The following WWC1 variants were observed in gnomAD, a reference collection of about 807,000 sequenced individuals.
WWC1 encodes WW and C2 domain containing 1, also known as protein KIBRA.
A neutral mutation model predicts 138.4 loss-of-function variants in WWC1; 55 were observed. That is an observed-to-expected ratio of 0.40 (90% CI 0.32 to 0.50). The LOEUF is 0.50. Ranked by LOEUF, WWC1 falls within the 20% of genes least tolerant of loss-of-function variation. The probability of loss-of-function intolerance (pLI) is 0.72; values close to 1 mark genes in which losing one functional copy is unlikely to be tolerated. For synonymous variants in WWC1, 524 were observed against 564.9 expected (o/e 0.93, Z 1.03); for missense variants, 1,226 against 1,420.4 (o/e 0.86, Z 2.20).
At position 168,428,517 on chromosome 5, in the gene WWC1, C is replaced by T. The variant is rs558384161; in HGVS notation, c.1920-190C>T. The stretch of plus-strand genomic sequence containing the variant: ...GGAGGATCACTTGATACAAGGAGTT[C>T]GAGACCAGCCTGGGCAACATAGTGA... On this transcript the variant is annotated intron_variant, in intron 12 of 22. Coordinates refer to ENST00000265293, the MANE Select transcript of WWC1 (RefSeq NM_015238.3). Among the ~76,000 whole-genome samples, 586 of 152,060 alleles carry T rather than the reference C, an allele frequency of 3.9e-3. 3 individuals are homozygous for T. Among genetic ancestry groups the T allele is most frequent in the Non-Finnish European group, 6.2e-3 (419 of 67,984 alleles).
At chr5:168,364,568 G>T (rs1168266635) in intron 1 of WWC1, among the ~76,000 whole-genome samples, 3 of 152,218 alleles carry the variant, frequency 2.0e-5, no homozygotes, top group Admixed American at 6.5e-5. Context: ...CAGAAACATG[G>T]CTTCTTCAAG....
chr5:168,450,066 G>T (rs1299351465), intron 17 of WWC1, among the ~76,000 whole-genome samples: 1 of 152,208 alleles, frequency 6.6e-6, no homozygotes, highest in East Asian at 1.9e-4. Context: ...CTCTCGCCGA[G>T]CTAGCTAGCT....
chr5:168,323,860 A>C (rs1267050924), intron 1 of WWC1, among the ~76,000 whole-genome samples: 1 of 152,168 alleles, frequency 6.6e-6, no homozygotes, highest in Non-Finnish European at 1.5e-5. Context: ...AAGATGAGAA[A>C]AATCTTAAAA....
intron 2 of WWC1, among the ~76,000 whole-genome samples, chr5:168,372,053 T>TTGTG (rs10595228): frequency 0.022 from 3,170 of 141,330 alleles, 54 homozygotes; most frequent in Middle Eastern, 0.032. Flanking sequence ...AAGAGTGTGT[T>TTGTG]TGTGTGTGTG....
chr5:168,367,841 A>G (rs1343439412), intron 1 of WWC1, among the ~76,000 whole-genome samples: 2 of 152,320 alleles, frequency 1.3e-5, no homozygotes, highest in Middle Eastern at 3.4e-3. Context: ...TGATTAATAT[A>G]TGAACACAAC....
intron 9 of WWC1, among the ~76,000 whole-genome samples, chr5:168,420,709 G>A (rs1582234818): frequency 1.3e-5 from 2 of 152,108 alleles, no homozygotes; most frequent in South Asian, 4.2e-4. Flanking sequence ...CCACTTGGCT[G>A]CCCGTAGCAG....
At chr5:168,365,167 A>T (rs1776188159) in intron 1 of WWC1, among the ~76,000 whole-genome samples, 1 of 152,182 alleles carries the variant, frequency 6.6e-6, no homozygotes. Flanking sequence ...GTGAAGGAGC[A>T]TTATCAGGAA....
intron 1 of WWC1, among the ~76,000 whole-genome samples, chr5:168,357,446 T>TTC (rs1775517656): frequency 9.5e-6 from 1 of 105,246 alleles, no homozygotes. Context: ...GCAACCTGCC[T>TTC]TCTGTGTGTG....
At chr5:168,402,171 C>T (rs1388121641) in intron 5 of WWC1, among the ~76,000 whole-genome samples, 1 of 152,200 alleles carries the variant, frequency 6.6e-6, no homozygotes, top group Non-Finnish European at 1.5e-5. Flanking sequence ...TCCCTCTGCC[C>T]CATGTTTGAT....
chr5:168,444,366 G>T (rs1172503521), intron 16 of WWC1, 128 bp from the exon 17 acceptor site: 1 of 922,824 alleles, frequency 1.1e-6, no homozygotes, highest in South Asian at 2.0e-5. Context: ...CAAGACACTT[G>T]ACCACTCTGG....
chr5:168,437,589 C>T (rs946370832), intron 15 of WWC1, among the ~76,000 whole-genome samples: 2 of 152,140 alleles, frequency 1.3e-5, no homozygotes, highest in African/African-American at 4.8e-5. Flanking sequence ...ATCTCCAGCA[C>T]CCAGAACAGT....
chr5:168,415,813 GGC>G (rs1780586122), intron 9 of WWC1: 3 of 10,746 alleles, frequency 2.8e-4, no homozygotes, highest in Non-Finnish European at 6.4e-4. Context: ...GGGGGGGGGG[GGC>G]GTGTGTGTGT....
Position 168,464,958 on chromosome 5 carries a change from A to G in WWC1, c.3146A>G (p.Lys1049Arg). 6.2e-7 allele frequency: 1 copy of G among 1,613,760 alleles called. No individual in the cohort carries two copies. Among genetic ancestry groups the G allele is most frequent in the Admixed American group, 1.7e-5 (1 of 60,022 alleles). Residue 1049 changes from lysine (K) to arginine (R), a missense_variant, in exon 21 of 23, where the codon AAG becomes AGG. By Grantham distance (26) the Lys-to-Arg change is conservative (BLOSUM62 2). Transcript: ENST00000265293. ...RFRLLLRMLE[K>R]RQMDRAEHKG... is the part of the protein sequence containing the mutation. ...CGCCTGCTGCTGAGGATGCTGGAGA[A>G]GCGGGTGAGTTCTGCCTCGAAGGCA...
At position 168,292,357 on chromosome 5, in the gene WWC1, G is replaced by T; in HGVS notation, c.119+86G>T. On this transcript the variant is annotated intron_variant, in intron 1 of 22. Transcript: ENST00000265293. This position sits in a 1 kb window ranked among gnomAD's most constrained non-coding sequence, Gnocchi z 4.4. ...TGGAGCCGCCGGCCGGGACTGGGAGGGGGCAGGGGAGCTCTGCGTGCCTCT... is the reference window on the plus strand; with the variant it reads ...TGGAGCCGCCGGCCGGGACTGGGAGTGGGCAGGGGAGCTCTGCGTGCCTCT... 1 of 1,477,022 alleles carries T rather than the reference G, an allele frequency of 6.8e-7. No individual in the cohort carries two copies. The highest frequency in any genetic ancestry group is 2.2e-5 in the Admixed American group (1 of 45,430). 91.5% of individuals were successfully genotyped at this position (1,477,022 alleles called of 1,614,324 possible).
rs529226180 is a variant in WWC1 at position 168,322,329 on chromosome 5, T to C, written c.119+30058T>C. Reference sequence around the variant, plus strand: ...TATCCTAGAGAAGGGTTGGAAACCCTTCTGGGACTAGGCAGGCTTTGTGGA... The same window carrying C: ...TATCCTAGAGAAGGGTTGGAAACCCCTCTGGGACTAGGCAGGCTTTGTGGA... On this transcript the variant is annotated intron_variant, in intron 1 of 22. Coordinates refer to ENST00000265293, the MANE Select transcript of WWC1 (RefSeq NM_015238.3). 3.2e-4 allele frequency among the ~76,000 whole-genome samples: 49 copies of C among 151,918 alleles called. 2 individuals carry two copies. The South Asian group carries it at 9.8e-3, about 30-fold the overall frequency.
chr5:168,416,392 A>T (rs1780655695), intron 9 of WWC1: 1 of 152,226 alleles, frequency 6.6e-6, no homozygotes, highest in Non-Finnish European at 1.5e-5. Flanking sequence ...CTTCTTTAGC[A>T]CCACGACTCC....
chr5:168,415,813 G>GCGT (rs36069575), intron 9 of WWC1: 3 of 10,774 alleles, frequency 2.8e-4, no homozygotes, highest in Non-Finnish European at 9.6e-4. Context: ...GGGGGGGGGG[G>GCGT]GCGTGTGTGT....
intron 1 of WWC1, among the ~76,000 whole-genome samples, chr5:168,316,066 C>A (rs1042762465): frequency 8.5e-5 from 13 of 152,332 alleles, no homozygotes; most frequent in Admixed American, 2.0e-4. Flanking sequence ...GGCCTCCCCC[C>A]TCTTTTCAGG....
In WWC1 at chr5:168,471,264, C is replaced by G. The variant is rs757217516; in HGVS notation, c.*2247C>G. 1 of 152,638 alleles carries G rather than the reference C, an allele frequency of 6.6e-6. No individual in the cohort carries two copies. The highest frequency in any genetic ancestry group is 1.5e-5 in the Non-Finnish European group (1 of 68,400). The allele number at this position is 152,638 out of a possible 1,614,324, so 9.5% of individuals were successfully genotyped here. ...GCTTCCAGGCCCCCCTGTATAGCTG[C>G]TATCCAGCCCGATTTCTCACCACTG... On this transcript the variant is annotated 3_prime_UTR_variant, in exon 23 of 23. Coordinates refer to ENST00000265293, the MANE Select transcript of WWC1 (RefSeq NM_015238.3).
Sources: gnomAD v4.1 joint callset for allele counts (sites outside exome capture counted in the v4.1 genomes callset) on GRCh38, gnomAD v4.1.1 for gene constraint, Gnocchi (gnomAD v3.1) non-coding constraint, MANE v1.5 for transcripts, NCBI Gene and HGNC (gene_info 2026-07-23, HGNC 2026-07-21) for gene names.